ARHGEF10L: variants seen among roughly 807,000 people sequenced by gnomAD.
ARHGEF10L encodes Rho guanine nucleotide exchange factor 10 like.
A neutral mutation model predicts 141.2 loss-of-function variants in ARHGEF10L; 69 were observed. That is an observed-to-expected ratio of 0.49 (90% confidence interval 0.40 to 0.60). ARHGEF10L has a LOEUF of 0.60. Among genes scored for constraint, ARHGEF10L ranks in the 20% least tolerant of loss-of-function variants. The probability of loss-of-function intolerance (pLI) is 0.00; values close to 1 mark genes in which losing one functional copy is unlikely to be tolerated. For missense variants in ARHGEF10L, 1,482 were observed against 1,734.3 expected, an observed-to-expected ratio of 0.85 and a Z score of 2.58; for synonymous variants, 711 against 718.5, an observed-to-expected ratio of 0.99 and a Z score of 0.17.
chr1:17,583,202 T>TAAAAAA (rs59088704), intron 2 of ARHGEF10L, among the ~76,000 whole-genome samples: 1 of 111,784 alleles, frequency 8.9e-6, no homozygotes, highest in Non-Finnish European at 1.8e-5. Context: ...GAGCTTCATT[T>TAAAAAA]AAAAAAAAAA....
chr1:17,533,962 CTTCTT>C, the ARHGEF10L span, among the ~76,000 whole-genome samples: 1 of 151,890 alleles, frequency 6.6e-6, no homozygotes. Flanking sequence ...CTTTCTTCTT[CTTCTT>C]TTTTTTTTTC....
At chr1:17,532,455 C>T in the ARHGEF10L span, among the ~76,000 whole-genome samples, 1 of 152,314 alleles carries the variant, frequency 6.6e-6, no homozygotes, top group East Asian at 1.9e-4. Context: ...GCAGATACCC[C>T]TGAGGAGTAG....
At position 17,621,093 on chromosome 1, in the gene ARHGEF10L, G is replaced by C. The variant is rs917445118; in HGVS notation, c.943-771G>C. Reference sequence around the variant, plus strand: ...GGAAGGGAAAGGAGAAGGGACTGGGGATGTTTAGCCAGAAGCAGAGACCAC... The same window carrying C: ...GGAAGGGAAAGGAGAAGGGACTGGGCATGTTTAGCCAGAAGCAGAGACCAC... On this transcript the variant is annotated intron_variant, in intron 10 of 28. Coordinates refer to ENST00000361221, the MANE Select transcript of ARHGEF10L (RefSeq NM_018125.4). This position sits in a 1 kb window ranked among gnomAD's most constrained non-coding sequence, Gnocchi z 4.1. 6.6e-6 allele frequency among the ~76,000 whole-genome samples: 1 copy of C among 152,174 alleles called. No homozygotes were observed. Among genetic ancestry groups the C allele is most frequent in the Non-Finnish European group, 1.5e-5 (1 of 68,032 alleles).
intron 26 of ARHGEF10L, among the ~76,000 whole-genome samples, chr1:17,671,199 G>GTCGCAGGGCCC (rs2063301282): frequency 6.6e-6 from 1 of 152,250 alleles, no homozygotes; most frequent in South Asian, 2.1e-4. Context: ...GTGCAGGGCG[G>GTCGCAGGGCCC]TCGCAGGGCC....
chr1:17,514,925 G>C, the ARHGEF10L span, among the ~76,000 whole-genome samples: 1 of 152,230 alleles, frequency 6.6e-6, no homozygotes, highest in East Asian at 1.9e-4. Context: ...AGCCCACCTC[G>C]GCCCGGCACC....
chr1:17,590,996 C>T (rs2079490756), intron 4 of ARHGEF10L, among the ~76,000 whole-genome samples: 1 of 152,164 alleles, frequency 6.6e-6, no homozygotes, highest in African/African-American at 2.4e-5. Flanking sequence ...CAAAAACAAA[C>T]AAACAAAGAA....
intron 26 of ARHGEF10L, among the ~76,000 whole-genome samples, chr1:17,684,245 G>A (rs1181639660): frequency 6.6e-6 from 1 of 152,298 alleles, no homozygotes; most frequent in South Asian, 2.1e-4. Flanking sequence ...CTTCCTCCTG[G>A]ATTCCTCCTA....
chr1:17,606,831 G>A (rs1384973138), intron 6 of ARHGEF10L, among the ~76,000 whole-genome samples: 1 of 152,138 alleles, frequency 6.6e-6, no homozygotes, highest in African/African-American at 2.4e-5. Flanking sequence ...CTGTGTTCCG[G>A]CCTCGGGACA....
chr1:17,590,829 A>G (rs1002355963), intron 4 of ARHGEF10L, among the ~76,000 whole-genome samples: 1 of 152,186 alleles, frequency 6.6e-6, no homozygotes, highest in African/African-American at 2.4e-5. Flanking sequence ...TCTACAGAAA[A>G]TACAAAAATT....
the ARHGEF10L span, among the ~76,000 whole-genome samples, chr1:17,520,153 C>T: frequency 6.6e-6 from 1 of 152,218 alleles, no homozygotes; most frequent in Non-Finnish European, 1.5e-5. Context: ...TCCTGGTCCT[C>T]CCAGGCTGGT....
chr1:17,599,622 G>A (rs1053194557), intron 4 of ARHGEF10L, among the ~76,000 whole-genome samples: 4 of 152,182 alleles, frequency 2.6e-5, no homozygotes, highest in Admixed American at 6.5e-5. Flanking sequence ...CGGGGTTCAG[G>A]TGGCTCCCAT....
Position 17,623,301 on chromosome 1 carries a change from G to C in ARHGEF10L, c.1200+126G>C, listed in dbSNP as rs2060204319. The C allele has an allele frequency of 2.6e-6, 3 of 1,173,938 alleles. No homozygotes were observed. Among genetic ancestry groups the C allele is most frequent in the Admixed American group, 5.1e-5 (2 of 39,304 alleles). 72.7% of individuals were successfully genotyped at this position (1,173,938 alleles called of 1,614,324 possible). The stretch of plus-strand genomic sequence containing the variant: ...CTTGTTCAAGTCAGTGGGATTAGAG[G>C]GTGGCAGGGTCTTCTGGGCCTGATC... On this transcript the variant is annotated intron_variant, in intron 12 of 28. Coordinates refer to ENST00000361221, the MANE Select transcript of ARHGEF10L (RefSeq NM_018125.4). This position sits in a 1 kb window ranked among gnomAD's most constrained non-coding sequence, Gnocchi z 4.7.
chr1:17,658,995 A>G (rs1293261007), intron 25 of ARHGEF10L, among the ~76,000 whole-genome samples: 1 of 152,084 alleles, frequency 6.6e-6, no homozygotes, highest in Non-Finnish European at 1.5e-5. Flanking sequence ...AGAGGAAGCC[A>G]TTTTGCTGGA....
chr1:17,617,398 G>C (rs186050175), intron 9 of ARHGEF10L, among the ~76,000 whole-genome samples: 1 of 152,262 alleles, frequency 6.6e-6, no homozygotes, highest in Non-Finnish European at 1.5e-5. Context: ...TCCCCACCAG[G>C]CTCCAGTCCA....
At chr1:17,588,902 T>TGTGTGTGTGTGTGTGTGGG in intron 4 of ARHGEF10L, among the ~76,000 whole-genome samples, 1 of 1,944 alleles carries the variant, frequency 5.1e-4, no homozygotes, top group East Asian at 0.026. Context: ...GTGTGTGTAG[T>TGTGTGTGTGTGTGTGTGGG]GGGGGAGGTT....
At chr1:17,582,956 G>T (rs1474181265) in intron 2 of ARHGEF10L, among the ~76,000 whole-genome samples, 1 of 151,946 alleles carries the variant, frequency 6.6e-6, no homozygotes, top group Admixed American at 6.6e-5. Flanking sequence ...GCCAGGCACA[G>T]TGGCTCATGC....
At chr1:17,565,784 C>A (rs957646049) in intron 1 of ARHGEF10L, among the ~76,000 whole-genome samples, 1 of 152,164 alleles carries the variant, frequency 6.6e-6, no homozygotes, top group Non-Finnish European at 1.5e-5. Flanking sequence ...AGGACCGTGG[C>A]TGGGCACTGA....
intron 26 of ARHGEF10L, among the ~76,000 whole-genome samples, chr1:17,680,418 T>C (rs2064030202): frequency 6.6e-6 from 1 of 152,186 alleles, no homozygotes; most frequent in South Asian, 2.1e-4. Flanking sequence ...ATAAATATTG[T>C]AGGACTGGAG....
At position 17,603,077 on chromosome 1, in the gene ARHGEF10L, G is replaced by A. The variant is rs188719323; in HGVS notation, c.350-431G>A. On this transcript the variant is annotated intron_variant, in intron 5 of 28. Coordinates refer to ENST00000361221, the MANE Select transcript of ARHGEF10L (RefSeq NM_018125.4). This position sits in a 1 kb window ranked among gnomAD's most constrained non-coding sequence, Gnocchi z 4.8. ...TCTTCCTGGAAGGCCTGTGGGTCAA[G>A]GACCGGCTCCCATCAGGGGTGGGGG... Among the ~76,000 whole-genome samples, 58 of 151,900 alleles carry A rather than the reference G, an allele frequency of 3.8e-4. No individual in the cohort carries two copies. In the East Asian group the frequency reaches 4.9e-3, roughly 13 times the overall value.
Sources: allele counts gnomAD v4.1 joint callset (sites outside exome capture counted in the v4.1 genomes callset), GRCh38; gene constraint gnomAD v4.1.1; non-coding constraint Gnocchi (gnomAD v3.1); transcripts MANE v1.5; gene names NCBI Gene and HGNC (gene_info 2026-07-23, HGNC 2026-07-21).